Variants in PACSIN2 observed in about 807,000 individuals in gnomAD.
PACSIN2 encodes the protein protein kinase C and casein kinase substrate in neurons protein 2.
A neutral mutation model predicts 63.8 loss-of-function variants in PACSIN2; 25 were observed. The ratio of observed to expected loss-of-function variants is 0.39; its 90% CI spans 0.29 to 0.55. The LOEUF (loss-of-function observed/expected upper bound fraction) is 0.55. PACSIN2 is among the 20% of genes least tolerant of loss of function. The probability of loss-of-function intolerance (pLI) is 0.62; values close to 1 mark genes in which losing one functional copy is unlikely to be tolerated. For synonymous variants in PACSIN2, 255 were observed against 256.2 expected (o/e 1.00, Z 0.05); for missense variants, 518 against 646.9 (o/e 0.80, Z 2.16).
chr22:43,008,754 T>G (rs1924261955), intron 1 of PACSIN2, among the ~76,000 whole-genome samples: 1 of 152,230 alleles, frequency 6.6e-6, no homozygotes, highest in African/African-American at 2.4e-5. Flanking sequence ...GGGAGGGGCC[T>G]CCTAGACTGC....
At chr22:42,973,282 A>G (rs1486163468) in intron 1 of PACSIN2, among the ~76,000 whole-genome samples, 1 of 152,260 alleles carries the variant, frequency 6.6e-6, no homozygotes, top group African/African-American at 2.4e-5. Context: ...GTTCAAAATG[A>G]CAGACTCTGT....
chr22:42,945,734 G>A (rs1933388235), intron 1 of PACSIN2: 2 of 152,324 alleles, frequency 1.3e-5, no homozygotes, highest in African/African-American at 2.4e-5. Flanking sequence ...AGCTACCTTC[G>A]CTAAGGCCAC....
chr22:42,942,325 C>G (rs1196981967), intron 1 of PACSIN2, among the ~76,000 whole-genome samples: 2 of 151,940 alleles, frequency 1.3e-5, no homozygotes, highest in Non-Finnish European at 2.9e-5. Context: ...TTTTTACTTT[C>G]TTGATAACAT....
At chr22:42,890,610 C>T (rs1022138819) in intron 4 of PACSIN2, among the ~76,000 whole-genome samples, 2 of 152,072 alleles carry the variant, frequency 1.3e-5, no homozygotes, top group Non-Finnish European at 2.9e-5. Flanking sequence ...CCCAGCTACT[C>T]GGAGGGCTGA....
At chr22:42,936,425 C>A (rs1932920949) in intron 1 of PACSIN2, among the ~76,000 whole-genome samples, 1 of 152,188 alleles carries the variant, frequency 6.6e-6, no homozygotes, top group Non-Finnish European at 1.5e-5. Flanking sequence ...AGACTCCTCC[C>A]CTCTGACCTT....
chr22:42,967,755 G>A (rs957506415), intron 1 of PACSIN2, among the ~76,000 whole-genome samples: 1 of 152,136 alleles, frequency 6.6e-6, no homozygotes. Context: ...GGGCGTGGGG[G>A]TGGGCGCCTG....
intron 1 of PACSIN2, among the ~76,000 whole-genome samples, chr22:42,975,061 C>T (rs1921597475): frequency 6.6e-6 from 1 of 152,206 alleles, no homozygotes; most frequent in African/African-American, 2.4e-5. Context: ...CTCTAGTCCA[C>T]CACTTCTACT....
At chr22:42,899,673 A>G (rs1930538723) in intron 2 of PACSIN2, among the ~76,000 whole-genome samples, 1 of 152,226 alleles carries the variant, frequency 6.6e-6, no homozygotes. Flanking sequence ...ACGATGACCC[A>G]GCAGCTTCAT....
chr22:42,910,753 G>A (rs1291780813), intron 2 of PACSIN2, among the ~76,000 whole-genome samples: 1 of 152,182 alleles, frequency 6.6e-6, no homozygotes, highest in Non-Finnish European at 1.5e-5. Flanking sequence ...CCTCCAGAAG[G>A]ATGCCACCAG....
intron 6 of PACSIN2, among the ~76,000 whole-genome samples, chr22:42,883,592 G>A (rs1048787901): frequency 1.3e-5 from 2 of 152,234 alleles, no homozygotes; most frequent in African/African-American, 4.8e-5. Context: ...CAGAGGGTAT[G>A]TGCTGTCCTG....
chr22:42,876,746 C>G, intron 9 of PACSIN2, 142 bp downstream of exon 9: 1 of 1,037,492 alleles, frequency 9.6e-7, no homozygotes, highest in Non-Finnish European at 1.5e-6. Context: ...AGGTAGTGGG[C>G]CAGGGTGCGG....
chr22:42,939,524 C>A (rs1308632431), intron 1 of PACSIN2, among the ~76,000 whole-genome samples: 2 of 152,196 alleles, frequency 1.3e-5, no homozygotes, highest in African/African-American at 4.8e-5. Context: ...AACTCCACAG[C>A]TCCTCCCCTC....
intron 1 of PACSIN2, among the ~76,000 whole-genome samples, chr22:42,960,596 G>T (rs886223135): frequency 6.6e-6 from 1 of 152,170 alleles, no homozygotes; most frequent in African/African-American, 2.4e-5. Flanking sequence ...AGGAGAGAAA[G>T]ATTTTAAAAT....
chr22:42,878,278 G>A (rs907682808), intron 8 of PACSIN2, among the ~76,000 whole-genome samples: 9 of 152,230 alleles, frequency 5.9e-5, no homozygotes, highest in East Asian at 1.9e-4. Flanking sequence ...CCCAGACAGC[G>A]TGCAAAGCAG....
chr22:42,952,722 G>A (rs544281120), intron 1 of PACSIN2, among the ~76,000 whole-genome samples: 60 of 151,466 alleles, frequency 4.0e-4, no homozygotes, highest in African/African-American at 1.4e-3. Context: ...GAGTGCAGTG[G>A]AGCGATCTCG....
At chr22:42,972,661 TCCA>T (rs1296501154) in intron 1 of PACSIN2, among the ~76,000 whole-genome samples, 2 of 152,094 alleles carry the variant, frequency 1.3e-5, no homozygotes, top group African/African-American at 4.8e-5. Flanking sequence ...AAAGGAGAAT[TCCA>T]CCTCTGGGCT....
chr22:42,999,291 C>T (rs1267207147), intron 1 of PACSIN2, among the ~76,000 whole-genome samples: 4 of 152,182 alleles, frequency 2.6e-5, no homozygotes, highest in Non-Finnish European at 5.9e-5. Context: ...CCAAGTACCT[C>T]GAAGGGGTCC....
Position 42,947,884 on chromosome 22 carries a change from C to A in PACSIN2, c.-77-35727G>T, listed in dbSNP as rs151215238. 1.4e-3 allele frequency among the ~76,000 whole-genome samples: 209 copies of A among 152,340 alleles called. 5 individuals are homozygous for A. In the East Asian group the frequency reaches 0.037, roughly 27 times the overall value. ...GGAGAAGGTGACTGGGGCCAGGCTC[C>A]ACGGCAGCCCAGCTCCTGAGCCCGT... On this transcript the variant is annotated intron_variant, in intron 1 of 10. Coordinates refer to ENST00000263246, the MANE Select transcript of PACSIN2 (RefSeq NM_001184970.3).
chr22:42,900,037 T>A (rs1481519550), intron 2 of PACSIN2, among the ~76,000 whole-genome samples: 1 of 152,058 alleles, frequency 6.6e-6, no homozygotes, highest in Non-Finnish European at 1.5e-5. Context: ...CCTGCCCCCA[T>A]CTCAGCTCTC....
Sources: allele counts gnomAD v4.1 joint callset (sites outside exome capture counted in the v4.1 genomes callset), GRCh38; gene constraint gnomAD v4.1.1; transcripts MANE v1.5; gene names NCBI Gene and HGNC (gene_info 2026-07-23, HGNC 2026-07-21).